The following PI4KB variants were observed in gnomAD, a reference collection of about 807,000 sequenced individuals.
PI4KB encodes PtdIns 4-kinase beta.
Under a neutral mutation model 81.4 loss-of-function variants are expected in PI4KB, and 23 were observed. The ratio of observed to expected loss-of-function variants is 0.28; its 90% confidence interval spans 0.20 to 0.40. PI4KB has a LOEUF of 0.40. PI4KB is among the 10% of genes least tolerant of loss of function. The pLI, the probability that PI4KB is intolerant of heterozygous loss-of-function variation, is 1.00. For synonymous variants in PI4KB, 381 were observed against 406.8 expected, an observed-to-expected ratio of 0.94 and a Z score of 0.76; for missense variants, 651 against 1,036.6, an observed-to-expected ratio of 0.63 and a Z score of 5.11.
At chr1:151,324,985 CTGCT>C in intron 1 of PI4KB, 1 of 630,504 alleles carries the variant, frequency 1.6e-6, no homozygotes, top group Non-Finnish European at 2.0e-6. Flanking sequence ...AGGAGGAAAG[CTGCT>C]TTTTTTTTTT....
At chr1:151,300,164 T>C (rs186878338) in intron 8 of PI4KB, among the ~76,000 whole-genome samples, 44 of 152,366 alleles carry the variant, frequency 2.9e-4, no homozygotes, top group Middle Eastern at 3.4e-3. Flanking sequence ...ACCTTGAGAT[T>C]TGACAGCTAT....
At position 151,306,142 on chromosome 1, in the gene PI4KB, T is replaced by C. The variant is rs1695735197; in HGVS notation, c.1404A>G (p.Gln468=). The C allele has an allele frequency of 3.7e-6, 6 of 1,613,288 alleles. No individual in the cohort carries two copies. Among genetic ancestry groups the C allele is most frequent in the East Asian group, 2.2e-5 (1 of 44,872 alleles). Residue 468 remains glutamine, a synonymous_variant, in exon 5 of 12, where the codon CAA becomes CAG. Transcript: ENST00000368873. ...AWSVDDIGEL[Q]VELPEVHTNS... ...CTCCCTGAAGCCCTCTCACCTCCAC[T>C]TGCAGCTCGCCTATGTCATCCACCG...
At chr1:151,303,516 G>T in intron 6 of PI4KB, 25 bp downstream of exon 6, 1 of 1,360,964 alleles carries the variant, frequency 7.3e-7, no homozygotes, top group Non-Finnish European at 1.1e-6. Flanking sequence ...GATGAAAAAT[G>T]AGGGGCAATG....
chr1:151,309,684 TAAA>T (rs1253576081), intron 3 of PI4KB, among the ~76,000 whole-genome samples: 1 of 152,022 alleles, frequency 6.6e-6, no homozygotes, highest in Non-Finnish European at 1.5e-5. Flanking sequence ...TGGTTGAAGT[TAAA>T]AAAGAAAACC....
chr1:151,302,863 G>A (rs587630979), intron 6 of PI4KB, among the ~76,000 whole-genome samples: 3 of 151,452 alleles, frequency 2.0e-5, no homozygotes, highest in South Asian at 2.1e-4. Flanking sequence ...GATTACAGGC[G>A]TGAGCCACCG....
chr1:151,306,391 AACTT>A, intron 4 of PI4KB, 28 bp from the exon 5 acceptor site: 1 of 1,454,174 alleles, frequency 6.9e-7, no homozygotes, highest in East Asian at 2.3e-5. Context: ...CAGTATTTGC[AACTT>A]ACTTCCACCA....
At chr1:151,303,711 C>T (rs2101943784) in intron 5 of PI4KB, 61 bp from the exon 6 acceptor site, 2 of 1,066,562 alleles carry the variant, frequency 1.9e-6, no homozygotes, top group Non-Finnish European at 2.9e-6. Flanking sequence ...CTTTCCCCTC[C>T]TGCTTGCTTG....
intron 5 of PI4KB, among the ~76,000 whole-genome samples, chr1:151,305,150 G>A (rs140949378): frequency 5.3e-4 from 80 of 152,274 alleles, no homozygotes; most frequent in African/African-American, 1.9e-3. Context: ...AGTTTTAGTG[G>A]AGATGGAGTT....
intron 1 of PI4KB, among the ~76,000 whole-genome samples, chr1:151,319,461 T>TC (rs1004855985): frequency 2.6e-5 from 4 of 151,340 alleles, no homozygotes; most frequent in African/African-American, 9.7e-5. Flanking sequence ...CCAATACCAC[T>TC]CCCCCCACTG....
intron 9 of PI4KB, among the ~76,000 whole-genome samples, chr1:151,295,545 C>CT (rs747611164): frequency 1.3e-5 from 2 of 152,220 alleles, no homozygotes; most frequent in Non-Finnish European, 2.9e-5. Flanking sequence ...CATAGCCTCT[C>CT]TTTTCACTAC....
intron 6 of PI4KB, among the ~76,000 whole-genome samples, chr1:151,303,187 G>C (rs932098780): frequency 6.6e-6 from 1 of 151,048 alleles, no homozygotes; most frequent in South Asian, 2.1e-4. Context: ...TTTTAATAGA[G>C]ACGGAGTTTC....
chr1:151,300,557 A>C (rs1340810835), intron 8 of PI4KB: 1 of 152,372 alleles, frequency 6.6e-6, no homozygotes, highest in African/African-American at 2.4e-5. Flanking sequence ...TGGTGAGCCG[A>C]GATTGCGCCA....
intron 2 of PI4KB, among the ~76,000 whole-genome samples, chr1:151,313,468 C>T (rs1647429686): frequency 6.6e-6 from 1 of 152,140 alleles, no homozygotes; most frequent in Non-Finnish European, 1.5e-5. Flanking sequence ...GAGGCCTCAG[C>T]TTTTCTGGTC....
intron 10 of PI4KB, 32 bp downstream of exon 10, chr1:151,294,377 C>G (rs758548122): frequency 6.2e-7 from 1 of 1,608,750 alleles, no homozygotes; most frequent in Non-Finnish European, 8.5e-7. Context: ...AATACAATGA[C>G]CCCCGAGAGG....
intron 8 of PI4KB, among the ~76,000 whole-genome samples, chr1:151,301,187 C>T (rs189858533): frequency 2.4e-4 from 37 of 152,202 alleles, no homozygotes; most frequent in Admixed American, 5.2e-4. Flanking sequence ...TAGTCACCTC[C>T]GGTTGGCTGG....
chr1:151,300,492 G>A (rs1447608742), intron 8 of PI4KB, among the ~76,000 whole-genome samples: 1 of 152,152 alleles, frequency 6.6e-6, no homozygotes, highest in East Asian at 1.9e-4. Flanking sequence ...TATAATCCCA[G>A]CTACTTGGGA....
intron 2 of PI4KB, among the ~76,000 whole-genome samples, chr1:151,310,874 A>C (rs1196869986): frequency 6.6e-6 from 1 of 152,056 alleles, no homozygotes; most frequent in Non-Finnish European, 1.5e-5. Context: ...ATAAGCCCAA[A>C]ATCTCTGGGC....
chr1:151,315,073 G>A (rs1557807017), intron 2 of PI4KB, among the ~76,000 whole-genome samples: 2 of 152,192 alleles, frequency 1.3e-5, no homozygotes, highest in Non-Finnish European at 2.9e-5. Context: ...CTGCCTCCCA[G>A]GTTCAAGTGA....
chr1:151,316,023 C>T lies in PI4KB; in HGVS notation c.459G>A (p.Glu153=), dbSNP rs145337256. Residue 153 remains glutamate (E), a synonymous_variant, in exon 2 of 12, where the codon GAG becomes GAA. Transcript: ENST00000368873. ...TGCCAATGTAGGCTTGTACTCCAGG[C>T]TCCTTGGAGTTATACAGGTATGAAA... is the stretch of plus-strand genomic sequence containing the variant. ...MAISYLYNSK[E]PGVQAYIGNR... The T allele has an allele frequency of 1.1e-3, 1,781 of 1,614,062 alleles. 37 individuals are homozygous for T. The South Asian group carries it at 0.018, about 17-fold the overall frequency.
Sources: gnomAD v4.1 joint callset for allele counts (sites outside exome capture counted in the v4.1 genomes callset) on GRCh38, gnomAD v4.1.1 for gene constraint, MANE v1.5 for transcripts, NCBI Gene and HGNC (gene_info 2026-07-23, HGNC 2026-07-21) for gene names.